Variants in SMAD3 observed in about 807,000 individuals in gnomAD.
The protein encoded by SMAD3 is MAD homolog 3.
A neutral mutation model predicts 51.8 loss-of-function variants in SMAD3; 12 were observed. The ratio of observed to expected loss-of-function variants is 0.23; its 90% CI spans 0.15 to 0.38. SMAD3 has a LOEUF of 0.38. Among genes scored for constraint, SMAD3 ranks in the 10% least tolerant of loss-of-function variants. SMAD3 has a pLI of 1.00. For synonymous variants in SMAD3, 238 were observed against 227.7 expected, an observed-to-expected ratio of 1.05 and a Z score of -0.41; for missense variants, 294 against 565.6, an observed-to-expected ratio of 0.52 and a Z score of 4.87.
At chr15:67,156,013 G>C (rs917553647) in intron 1 of SMAD3, among the ~76,000 whole-genome samples, 65 of 151,898 alleles carry the variant, frequency 4.3e-4, no homozygotes, top group African/African-American at 1.5e-3. Flanking sequence ...GTAATTGCAG[G>C]TGAGTGAACA....
intron 5 of SMAD3, 191 bp downstream of exon 5, chr15:67,170,795 T>C: frequency 1.7e-6 from 1 of 582,326 alleles, no homozygotes; most frequent in Non-Finnish European, 3.1e-6. Context: ...AGAACAGTGG[T>C]GGCAGGAAAG....
chr15:67,151,349 T>TA (rs10677530), intron 1 of SMAD3, among the ~76,000 whole-genome samples: 9 of 152,006 alleles, frequency 5.9e-5, no homozygotes, highest in Admixed American at 2.6e-4. Context: ...TTTATTTATT[T>TA]TGAGACGGAG....
chr15:67,144,723 A>T (rs1961929085), intron 1 of SMAD3, among the ~76,000 whole-genome samples: 1 of 152,156 alleles, frequency 6.6e-6, no homozygotes, highest in African/African-American at 2.4e-5. Context: ...GACAGCTGTT[A>T]TGCTGTCTTT....
intron 5 of SMAD3, among the ~76,000 whole-genome samples, chr15:67,174,139 A>G (rs1962826493): frequency 6.6e-5 from 10 of 152,180 alleles, no homozygotes. Flanking sequence ...CCTCTCCTCC[A>G]GCCCCCACTC....
chr15:67,106,913 G>C (rs767570733), intron 1 of SMAD3, among the ~76,000 whole-genome samples: 16 of 152,164 alleles, frequency 1.1e-4, no homozygotes, highest in Admixed American at 2.6e-4. Context: ...AGGGGACCCA[G>C]AACGGTGGTA....
intron 1 of SMAD3, among the ~76,000 whole-genome samples, 174 bp from the exon 2 acceptor site, chr15:67,164,721 G>A (rs1003730943): frequency 4.6e-5 from 7 of 152,176 alleles, no homozygotes; most frequent in Admixed American, 2.6e-4. Context: ...GTCTTCTCCT[G>A]AGATCCCTCC....
chr15:67,170,169 C>A lies in SMAD3; in HGVS notation c.608-385C>A, dbSNP rs564901338. Among the ~76,000 whole-genome samples the A allele has an allele frequency of 3.3e-5, 5 of 152,260 alleles. 1 individual carries two copies. The South Asian group carries it at 1.0e-3, about 32-fold the overall frequency. On this transcript the variant is annotated intron_variant, in intron 4 of 8. Transcript: ENST00000327367. ...AGCTTGGGAGAAGGGCTTCCCTGCT[C>A]CTCTCATTTTCCTGAGGGCATAGTT...
chr15:67,107,338 A>G (rs1960901326), intron 1 of SMAD3, among the ~76,000 whole-genome samples: 1 of 152,068 alleles, frequency 6.6e-6, no homozygotes, highest in African/African-American at 2.4e-5. Context: ...GGCCTTTCAG[A>G]GCCTCGAAAT....
In SMAD3 at chr15:67,097,531, C is replaced by T. The variant is rs541877435; in HGVS notation, c.206+31171C>T. Among the ~76,000 whole-genome samples, 7 of 152,236 alleles carry T rather than the reference C, an allele frequency of 4.6e-5. No homozygotes were observed. In the South Asian group the frequency reaches 1.5e-3, roughly 32 times the overall value. On this transcript the variant is annotated intron_variant, in intron 1 of 8. Transcript: ENST00000327367. ...AAGTGCCGGGATTACAGGTGTGAGC[C>T]ACTGCGCCCGGCCTTATCTCCATCT...
In SMAD3 at chr15:67,145,730, G is replaced by A. The variant is rs144688225; in HGVS notation, c.207-19165G>A. 3.3e-5 allele frequency among the ~76,000 whole-genome samples: 5 copies of A among 152,258 alleles called. No homozygotes were observed. The East Asian group carries it at 7.7e-4, about 23-fold the overall frequency. On this transcript the variant is annotated intron_variant, in intron 1 of 8. Transcript: ENST00000327367. ...GCCCCTTTATACCAATGAGGAAATG[G>A]GCCCCCGGAGATGAGGCACTTGACC...
At chr15:67,175,943 A>G (rs1237515244) in intron 5 of SMAD3, among the ~76,000 whole-genome samples, 1 of 152,224 alleles carries the variant, frequency 6.6e-6, no homozygotes, top group African/African-American at 2.4e-5. Context: ...GTGAAATCAC[A>G]GGCAGGCAAC....
intron 1 of SMAD3, among the ~76,000 whole-genome samples, chr15:67,079,548 TAGCAA>T (rs970008318): frequency 6.6e-6 from 1 of 152,220 alleles, no homozygotes; most frequent in Non-Finnish European, 1.5e-5. Context: ...TGTTGACTGT[TAGCAA>T]ATCACCTAAG....
chr15:67,100,129 CGA>C (rs1319670871), intron 1 of SMAD3, among the ~76,000 whole-genome samples: 1 of 144,216 alleles, frequency 6.9e-6, no homozygotes, highest in East Asian at 2.0e-4. Flanking sequence ...TGCAGTGAGC[CGA>C]GATCGCACCC....
At chr15:67,183,001 ATATATATAT>A (rs1336826966) in intron 6 of SMAD3, among the ~76,000 whole-genome samples, 2 of 47,494 alleles carry the variant, frequency 4.2e-5, no homozygotes, top group East Asian at 5.6e-4. Context: ...AAAAAAAAAA[ATATATATAT>A]ATATATATAT....
intron 8 of SMAD3, among the ~76,000 whole-genome samples, chr15:67,189,028 G>A (rs1963295080): frequency 6.6e-6 from 1 of 152,192 alleles, no homozygotes; most frequent in African/African-American, 2.4e-5. Context: ...ACTATGTTAT[G>A]GCCTGAAGAG....
intron 1 of SMAD3, among the ~76,000 whole-genome samples, chr15:67,072,388 C>T (rs1409737957): frequency 6.6e-6 from 1 of 152,200 alleles, no homozygotes; most frequent in Admixed American, 6.5e-5. Context: ...CTTATTCTCC[C>T]ACCTTTATTC....
intron 1 of SMAD3, among the ~76,000 whole-genome samples, chr15:67,126,881 A>G (rs1463666389): frequency 1.3e-5 from 2 of 152,026 alleles, no homozygotes; most frequent in Non-Finnish European, 2.9e-5. Flanking sequence ...GTGTCTCCCT[A>G]CGACCTCCTG....
chr15:67,168,206 C>T (rs745983075), intron 4 of SMAD3, among the ~76,000 whole-genome samples: 4 of 152,210 alleles, frequency 2.6e-5, no homozygotes, highest in Non-Finnish European at 5.9e-5. Context: ...CTGCCCGCTT[C>T]GACCTCCCAA....
In SMAD3 at chr15:67,190,876, C is replaced by A; in HGVS notation, c.*340C>A. 1 of 418,592 alleles carries A rather than the reference C, an allele frequency of 2.4e-6. No homozygotes were observed. The highest frequency in any genetic ancestry group is 2.9e-5 in the South Asian group (1 of 34,902). 25.9% of individuals were successfully genotyped at this position (418,592 alleles called of 1,614,324 possible). A position where few individuals can be genotyped will look rare whatever the true frequency, so the allele number is the denominator to read the frequency against. ...TTTGAGTGACAGCTTTCTGGGATGT[C>A]ACAGTCCAACCAGAAACACCCCTCT... On this transcript the variant is annotated 3_prime_UTR_variant, in exon 9 of 9. Coordinates refer to ENST00000327367, the MANE Select transcript of SMAD3 (RefSeq NM_005902.4).
Sources: gnomAD v4.1 joint callset for allele counts (sites outside exome capture counted in the v4.1 genomes callset) on GRCh38, gnomAD v4.1.1 for gene constraint, MANE v1.5 for transcripts, NCBI Gene and HGNC (gene_info 2026-07-23, HGNC 2026-07-21) for gene names.